FOXP1: variants seen among roughly 807,000 people sequenced by gnomAD.
FOXP1 encodes the protein forkhead box P1.
In FOXP1, 15 loss-of-function variants were observed where a neutral mutation model predicts 98.2. The observed-to-expected ratio is 0.15, with a 90% CI of 0.10 to 0.24. The LOEUF (loss-of-function observed/expected upper bound fraction) is 0.24, where lower values mean the gene tolerates loss of function less well. Ranked by LOEUF, FOXP1 falls within the 10% of genes least tolerant of loss-of-function variation. The pLI is 1.00. For missense variants in FOXP1, 633 were observed against 848.5 expected (o/e 0.75, Z 3.15); for synonymous variants, 371 against 314.5 (o/e 1.18, Z -1.90).
chr3:71,371,901 A>G (rs1476129603), intron 3 of FOXP1, among the ~76,000 whole-genome samples: 6 of 152,090 alleles, frequency 3.9e-5, no homozygotes, highest in Non-Finnish European at 8.8e-5. Context: ...TTCTGACCCC[A>G]CACCACACTC....
chr3:71,074,840 C>T (rs1024510461), intron 7 of FOXP1, among the ~76,000 whole-genome samples: 2 of 152,202 alleles, frequency 1.3e-5, no homozygotes, highest in East Asian at 1.9e-4. Context: ...GGAGTGGGAA[C>T]ATCGAGGGAG....
At chr3:71,287,237 C>T (rs9840242) in intron 5 of FOXP1, among the ~76,000 whole-genome samples, 38,427 of 151,892 alleles carry the variant, frequency 0.25, 4,984 homozygotes, top group African/African-American at 0.3. Flanking sequence ...TTTGGGAGGC[C>T]GAGGTGGGTG....
chr3:71,081,313 C>G (rs1284956605), intron 7 of FOXP1, among the ~76,000 whole-genome samples: 1 of 152,120 alleles, frequency 6.6e-6, no homozygotes, highest in African/African-American at 2.4e-5. Context: ...GAACCCTCAG[C>G]CATTATCCTG....
chr3:71,557,048 G>C (rs2046196172), intron 2 of FOXP1, among the ~76,000 whole-genome samples: 1 of 152,118 alleles, frequency 6.6e-6, no homozygotes, highest in African/African-American at 2.4e-5. Context: ...AAACAAAACT[G>C]TTTAAGATCA....
chr3:71,457,763 C>G (rs997395490), intron 3 of FOXP1, among the ~76,000 whole-genome samples: 4 of 152,128 alleles, frequency 2.6e-5, no homozygotes, highest in African/African-American at 9.7e-5. Flanking sequence ...TCAAAGCACT[C>G]GAAGAGATAT....
At chr3:71,075,829 C>T (rs1235554115) in intron 7 of FOXP1, among the ~76,000 whole-genome samples, 1 of 152,126 alleles carries the variant, frequency 6.6e-6, no homozygotes, top group East Asian at 1.9e-4. Flanking sequence ...ATCCTCCGGC[C>T]TTAGCCTCCC....
chr3:70,970,496 T>C, intron 19 of FOXP1: 1 of 521,444 alleles, frequency 1.9e-6, no homozygotes, highest in Non-Finnish European at 3.5e-6. Flanking sequence ...ATACTGCTGA[T>C]AAATATTAAT....
rs2032061296 is a variant in FOXP1 at position 70,957,300 on chromosome 3, C to G, written c.*1947G>C. The G allele has an allele frequency of 8.8e-6, 2 of 226,954 alleles. No individual in the cohort carries two copies. The highest frequency in any genetic ancestry group is 1.8e-5 in the Non-Finnish European group (2 of 114,110). 14.1% of individuals were successfully genotyped at this position (226,954 alleles called of 1,614,324 possible). On this transcript the variant is annotated 3_prime_UTR_variant, in exon 21 of 21. Coordinates refer to ENST00000649528, the MANE Select transcript of FOXP1 (RefSeq NM_001349338.3). ...ACACAAAAAGAAAAAGGAAAAATAA[C>G]TACTAGAAAAAAGTAACAACTTTGG...
At chr3:71,013,274 A>G (rs1431826796) in intron 12 of FOXP1, among the ~76,000 whole-genome samples, 1 of 152,214 alleles carries the variant, frequency 6.6e-6, no homozygotes, top group Non-Finnish European at 1.5e-5. Flanking sequence ...CCAAATTGGT[A>G]GCTTTCCTCG....
intron 2 of FOXP1, among the ~76,000 whole-genome samples, chr3:71,530,842 T>C (rs186603624): frequency 2.6e-5 from 4 of 152,264 alleles, no homozygotes; most frequent in South Asian, 4.1e-4. Flanking sequence ...ACAGCCTGTA[T>C]GGAGGGGTCA....
intron 3 of FOXP1, among the ~76,000 whole-genome samples, chr3:71,395,013 T>C (rs1577283314): frequency 1.4e-5 from 2 of 147,354 alleles, no homozygotes; most frequent in Non-Finnish European, 3.0e-5. Context: ...GGCAGGAGAA[T>C]TGCTTGAACC....
chr3:71,202,176 C>T (rs1335436671), intron 5 of FOXP1, among the ~76,000 whole-genome samples: 2 of 152,200 alleles, frequency 1.3e-5, no homozygotes, highest in Non-Finnish European at 2.9e-5. Flanking sequence ...ACAAGTTTTG[C>T]AGGCATCAAG....
intron 6 of FOXP1, among the ~76,000 whole-genome samples, chr3:71,158,960 T>A (rs953025491): frequency 2.6e-5 from 4 of 151,572 alleles, no homozygotes; most frequent in African/African-American, 9.7e-5. Flanking sequence ...ACAAAAATGA[T>A]CTGGGCAAGA....
intron 3 of FOXP1, among the ~76,000 whole-genome samples, chr3:71,361,161 GT>G (rs1476108309): frequency 6.6e-6 from 1 of 152,150 alleles, no homozygotes; most frequent in Non-Finnish European, 1.5e-5. Flanking sequence ...ATTTCAGTTG[GT>G]AAAGGCTGTA....
At position 71,352,278 on chromosome 3, in the gene FOXP1, C is replaced by T. The variant is rs779708936; in HGVS notation, c.-73+6872G>A. Among the ~76,000 whole-genome samples the T allele has an allele frequency of 2.6e-5, 4 of 151,872 alleles. No homozygotes were observed. The South Asian group carries it at 8.3e-4, about 32-fold the overall frequency. ...GTCAGGAGTTCGAGACCAGCCTGGC[C>T]AACATGGCAAAATCCTGTCTCTACC... On this transcript the variant is annotated intron_variant, in intron 4 of 20. Transcript: ENST00000649528.
chr3:71,085,025 C>T (rs1038402415), intron 7 of FOXP1, among the ~76,000 whole-genome samples: 4 of 152,208 alleles, frequency 2.6e-5, no homozygotes, highest in African/African-American at 9.7e-5. Flanking sequence ...AATAGTCATT[C>T]CTTGTTAGTG....
intron 7 of FOXP1, among the ~76,000 whole-genome samples, chr3:71,058,892 TAAA>T (rs776471899): frequency 2.1e-5 from 3 of 139,776 alleles, no homozygotes; most frequent in Non-Finnish European, 4.7e-5. Context: ...CTTAAAAAAA[TAAA>T]AAAAAAAAAG....
intron 11 of FOXP1, among the ~76,000 whole-genome samples, chr3:71,038,995 A>G (rs2047975118): frequency 6.6e-6 from 1 of 152,108 alleles, no homozygotes; most frequent in Admixed American, 6.6e-5. Flanking sequence ...CAATTCCACA[A>G]GCTTAAACTG....
chr3:71,327,534 C>T lies in FOXP1; in HGVS notation c.-72-27654G>A, dbSNP rs1016551830. Among the ~76,000 whole-genome samples the T allele has an allele frequency of 6.0e-5, 9 of 150,810 alleles. No individual in the cohort carries two copies. In the South Asian group the frequency reaches 1.7e-3, roughly 28 times the overall value. ...TCCCGAGTAGCTGGGACTACAGGCG[C>T]CTGCCACCACGCCCAGCTAATTTTT... is the stretch of plus-strand genomic sequence containing the variant. On this transcript the variant is annotated intron_variant, in intron 4 of 20. Transcript: ENST00000649528.
Sources: allele counts gnomAD v4.1 joint callset (sites outside exome capture counted in the v4.1 genomes callset), GRCh38; gene constraint gnomAD v4.1.1; transcripts MANE v1.5; gene names NCBI Gene and HGNC (gene_info 2026-07-23, HGNC 2026-07-21).